SH3GL1: variants seen among roughly 807,000 people sequenced by gnomAD.
SH3GL1 encodes SH3 domain containing GRB2 like 1, endophilin A2.
In SH3GL1, 21 loss-of-function variants were observed where a neutral mutation model predicts 48.8. The observed-to-expected ratio is 0.43, with a 90% CI of 0.30 to 0.62. The LOEUF is 0.62. Among genes scored for constraint, SH3GL1 ranks in the 20% least tolerant of loss-of-function variants. The probability of loss-of-function intolerance (pLI) is 0.11; values close to 1 mark genes in which losing one functional copy is unlikely to be tolerated. For missense variants in SH3GL1, 454 were observed against 503.0 expected, an observed-to-expected ratio of 0.90 and a Z score of 0.93; for synonymous variants, 282 against 217.5, an observed-to-expected ratio of 1.30 and a Z score of -2.61.
At position 4,376,438 on chromosome 19, in the gene SH3GL1, T is replaced by C. The variant is rs1973010271; in HGVS notation, c.46-9444A>G. On this transcript the variant is annotated intron_variant, in intron 1 of 9. Coordinates refer to ENST00000269886, the MANE Select transcript of SH3GL1 (RefSeq NM_003025.4). The surrounding 1 kb of genome is among the most constrained non-coding windows in gnomAD (Gnocchi z 4.3). ...AGGCAGGGATTTAGGTGGTTTCTGT[T>C]TGGCCTCCAGTGCTTGCCTCTCCCG... Among the ~76,000 whole-genome samples the C allele has an allele frequency of 6.6e-6, 1 of 152,112 alleles. No individual in the cohort carries two copies. Among genetic ancestry groups the C allele is most frequent in the Admixed American group, 6.5e-5 (1 of 15,274 alleles).
At chr19:4,375,605 G>A (rs1972991764) in intron 1 of SH3GL1, among the ~76,000 whole-genome samples, 1 of 152,238 alleles carries the variant, frequency 6.6e-6, no homozygotes, top group African/African-American at 2.4e-5. Flanking sequence ...AGTGCCTGGG[G>A]CTCCTCTCCC....
At chr19:4,379,303 G>A (rs1029361081) in intron 1 of SH3GL1, among the ~76,000 whole-genome samples, 2 of 151,942 alleles carry the variant, frequency 1.3e-5, no homozygotes, top group African/African-American at 4.8e-5. Context: ...GCTCATGCCT[G>A]TAATCCCAGC....
intron 1 of SH3GL1, among the ~76,000 whole-genome samples, chr19:4,388,552 G>A (rs1040114992): frequency 6.6e-6 from 1 of 152,254 alleles, no homozygotes; most frequent in African/African-American, 2.4e-5. Context: ...ACAGAGGCCA[G>A]GGAGAGAGCT....
intron 1 of SH3GL1, among the ~76,000 whole-genome samples, chr19:4,386,394 T>G (rs1973235579): frequency 6.6e-6 from 1 of 151,976 alleles, no homozygotes; most frequent in Non-Finnish European, 1.5e-5. Context: ...CAGTCAGCAG[T>G]TCTGCTTCCA....
rs994874316 is a variant in SH3GL1 at position 4,376,705 on chromosome 19, C to T, written c.46-9711G>A. On this transcript the variant is annotated intron_variant, in intron 1 of 9. Coordinates refer to ENST00000269886, the MANE Select transcript of SH3GL1 (RefSeq NM_003025.4). This position sits in a 1 kb window ranked among gnomAD's most constrained non-coding sequence, Gnocchi z 4.3. ...CCTCACTGAGCCTCCCTGGATCTTC[C>T]CATGCTGGGTCTTAGCCACCAGGGC... 1.3e-5 allele frequency among the ~76,000 whole-genome samples: 2 copies of T among 152,128 alleles called. No homozygotes were observed. Among genetic ancestry groups the T allele is most frequent in the Non-Finnish European group, 2.9e-5 (2 of 68,010 alleles).
rs1973005698 is a variant in SH3GL1, at chr19:4,376,196, C to A, written c.46-9202G>T. ...GAGACACAGAAACCATCTTCACCAT[C>A]TCTAAGATCCCTTCCATTTCTGAAG... is the stretch of plus-strand genomic sequence containing the variant. On this transcript the variant is annotated intron_variant, in intron 1 of 9. Transcript: ENST00000269886. This position sits in a 1 kb window ranked among gnomAD's most constrained non-coding sequence, Gnocchi z 4.3. Among the ~76,000 whole-genome samples, 1 of 152,234 alleles carries A rather than the reference C, an allele frequency of 6.6e-6. No homozygotes were observed. Among genetic ancestry groups the A allele is most frequent in the African/African-American group, 2.4e-5 (1 of 41,460 alleles).
chr19:4,363,939 C>G (rs953803130), intron 5 of SH3GL1, 61 bp from the exon 6 acceptor site: 3 of 1,608,902 alleles, frequency 1.9e-6, no homozygotes, highest in African/African-American at 1.3e-5. Flanking sequence ...CCACGCATGG[C>G]TTTGACCCAC....
chr19:4,393,275 C>A (rs1195822211), intron 1 of SH3GL1, among the ~76,000 whole-genome samples: 3 of 148,612 alleles, frequency 2.0e-5, no homozygotes, highest in Non-Finnish European at 3.0e-5. Context: ...ACAAAAAAAA[C>A]AAAAATAACA....
In SH3GL1 at chr19:4,363,673, C is replaced by T. The variant is rs189203937; in HGVS notation, c.624+47G>A. The T allele has an allele frequency of 8.4e-4, 1,349 of 1,610,232 alleles. 6 individuals are homozygous for T. The African/African-American group carries it at 0.01, about 12-fold the overall frequency. On this transcript the variant is annotated intron_variant, in intron 6 of 9. Transcript: ENST00000269886. Reference sequence around the variant, plus strand: ...CTCCCTTGAGGCACCACCCCGGCCTCCCAAGGGCATAGGTCTTCTCAGGAT... The same window carrying T: ...CTCCCTTGAGGCACCACCCCGGCCTTCCAAGGGCATAGGTCTTCTCAGGAT...
At chr19:4,366,846 T>C in intron 2 of SH3GL1, 80 bp downstream of exon 2, 1 of 1,415,040 alleles carries the variant, frequency 7.1e-7, no homozygotes, top group South Asian at 1.2e-5. Flanking sequence ...CCCATCAAGG[T>C]TGGCCGCCTC....
chr19:4,400,474 G>A lies in SH3GL1; in HGVS notation c.-106C>T, dbSNP rs1038862242. The A allele has an allele frequency of 2.9e-5, 30 of 1,038,390 alleles. No homozygotes were observed. The highest frequency in any genetic ancestry group is 3.0e-5 in the Non-Finnish European group (25 of 832,314). 64.3% of individuals were successfully genotyped at this position (1,038,390 alleles called of 1,614,324 possible). ...AGCAGTCCCCGTCGGCGCCGCCTCC[G>A]CCACCCGCTTGCCAGCTCCGCGCCC... is the stretch of plus-strand genomic sequence containing the variant. On this transcript the variant is annotated 5_prime_UTR_variant, in exon 1 of 10. Coordinates refer to ENST00000269886, the MANE Select transcript of SH3GL1 (RefSeq NM_003025.4). The surrounding 1 kb of genome is among the most constrained non-coding windows in gnomAD (Gnocchi z 4.1).
chr19:4,363,780 C>T lies in SH3GL1; in HGVS notation c.564G>A (p.Glu188=), dbSNP rs749461547. The T allele has an allele frequency of 1.9e-6, 3 of 1,613,872 alleles. No individual in the cohort carries two copies. The highest frequency in any genetic ancestry group is 3.4e-4 in the Middle Eastern group (2 of 5,824). ...CCACCTCCTTGGACTCCTCGAACTTCTCCAGCGCCTGGCGTAGCTCCTCAT... is the reference window on the plus strand; with the variant it reads ...CCACCTCCTTGGACTCCTCGAACTTTTCCAGCGCCTGGCGTAGCTCCTCAT... ...IPDEELRQAL[E]KFEESKEVAE... The change falls in exon 6 of 10, where the codon GAG becomes GAA. Residue 188 remains glutamate (E), a synonymous_variant. Transcript: ENST00000269886.
At chr19:4,371,901 G>A (rs1173446020) in intron 1 of SH3GL1, among the ~76,000 whole-genome samples, 1 of 152,262 alleles carries the variant, frequency 6.6e-6, no homozygotes, top group South Asian at 2.1e-4. Context: ...GCCTCGCCCA[G>A]TGCCAGGCAC....
intron 1 of SH3GL1, among the ~76,000 whole-genome samples, chr19:4,372,106 C>G (rs1306213291): frequency 6.6e-6 from 1 of 152,238 alleles, no homozygotes; most frequent in African/African-American, 2.4e-5. Context: ...GTGTGCCTGG[C>G]CAAGGCCATA....
intron 1 of SH3GL1, among the ~76,000 whole-genome samples, chr19:4,369,764 C>G (rs1314613618): frequency 6.6e-6 from 1 of 152,266 alleles, no homozygotes; most frequent in Non-Finnish European, 1.5e-5. Flanking sequence ...CCCTAACTAC[C>G]CGGGTCCCTC....
Position 4,399,288 on chromosome 19 carries a change from C to T in SH3GL1, c.45+1036G>A, listed in dbSNP as rs372855239. 9.5e-4 allele frequency among the ~76,000 whole-genome samples: 126 copies of T among 133,070 alleles called. 3 individuals are homozygous for T. The highest frequency in any genetic ancestry group is 3.3e-3 in the African/African-American group (116 of 35,390). The allele number at this position is 133,070 out of a possible 152,430, so 87.3% of individuals were successfully genotyped here. On this transcript the variant is annotated intron_variant, in intron 1 of 9. Coordinates refer to ENST00000269886, the MANE Select transcript of SH3GL1 (RefSeq NM_003025.4). Reference sequence around the variant, plus strand: ...TGAGCCGAGATTGCACCACTGCCCTCCAGCTGGGGCGACAGAGCATGACTC... The same window carrying T: ...TGAGCCGAGATTGCACCACTGCCCTTCAGCTGGGGCGACAGAGCATGACTC...
chr19:4,391,001 G>C (rs570211620), intron 1 of SH3GL1, among the ~76,000 whole-genome samples: 2 of 152,234 alleles, frequency 1.3e-5, no homozygotes, highest in East Asian at 1.9e-4. Context: ...AAAGGGCTAA[G>C]GCAGCAGTGA....
At chr19:4,395,659 G>A (rs1411793393) in intron 1 of SH3GL1, 2 of 152,232 alleles carry the variant, frequency 1.3e-5, no homozygotes, top group Non-Finnish European at 2.9e-5. Context: ...TGTAATCCCA[G>A]CACTTTGGGA....
chr19:4,363,141 G>A (rs1021937226), intron 7 of SH3GL1, among the ~76,000 whole-genome samples: 1 of 152,172 alleles, frequency 6.6e-6, no homozygotes, highest in Non-Finnish European at 1.5e-5. Context: ...AGCCAGGGAG[G>A]GAGTCCCCGG....
Sources: gnomAD v4.1 joint callset for allele counts (sites outside exome capture counted in the v4.1 genomes callset) on GRCh38, gnomAD v4.1.1 for gene constraint, Gnocchi (gnomAD v3.1) non-coding constraint, MANE v1.5 for transcripts, NCBI Gene and HGNC (gene_info 2026-07-23, HGNC 2026-07-21) for gene names.